The following EPB41 variants were observed in gnomAD, a reference collection of about 807,000 sequenced individuals.
EPB41 encodes protein 4.1.
In EPB41, 65 loss-of-function variants were observed where a neutral mutation model predicts 108.0. The observed-to-expected ratio is 0.60, with a 90% confidence interval of 0.49 to 0.74. The LOEUF is 0.74. EPB41 is among the 30% of genes least tolerant of loss of function. The pLI, the probability that EPB41 is intolerant of heterozygous loss-of-function variation, is 0.00. For synonymous variants in EPB41, 336 were observed against 358.9 expected, an observed-to-expected ratio of 0.94 and a Z score of 0.72; for missense variants, 875 against 1,037.0, an observed-to-expected ratio of 0.84 and a Z score of 2.15.
At chr1:29,057,242 G>A (rs759026274) in intron 12 of EPB41, among the ~76,000 whole-genome samples, 4 of 151,848 alleles carry the variant, frequency 2.6e-5, no homozygotes, top group Non-Finnish European at 5.9e-5. Context: ...CAGGCATGGT[G>A]GCGGGTGCCT....
rs945006039 is a variant in EPB41, at chr1:29,069,088, T to C, written c.2184+3930T>C. The C allele has an allele frequency of 1.5e-5, 16 of 1,071,698 alleles. No homozygotes were observed. In the African/African-American group the frequency reaches 2.5e-4, roughly 16 times the overall value. 66.4% of individuals were successfully genotyped at this position (1,071,698 alleles called of 1,614,324 possible). A position where few individuals can be genotyped will look rare whatever the true frequency, so the allele number is the denominator to read the frequency against. ...CCTATTCTTTTTATGTTGTCTTTCTTCTCCCACTTTATTTTCTTTCAAAAA... is the reference window on the plus strand; with the variant it reads ...CCTATTCTTTTTATGTTGTCTTTCTCCTCCCACTTTATTTTCTTTCAAAAA... On this transcript the variant is annotated intron_variant, in intron 16 of 20. Transcript: ENST00000343067.
intron 1 of EPB41, among the ~76,000 whole-genome samples, chr1:28,953,772 A>AATT (rs2094837375): frequency 6.6e-6 from 1 of 152,264 alleles, no homozygotes; most frequent in Non-Finnish European, 1.5e-5. Context: ...CGTAGTTAAT[A>AATT]AAGAATGGAT....
rs544262456 is a variant in EPB41, at chr1:28,979,915, G to A, written c.-7-7516G>A. Among the ~76,000 whole-genome samples, 4 of 152,296 alleles carry A rather than the reference G, an allele frequency of 2.6e-5. No homozygotes were observed. The South Asian group carries it at 6.2e-4, about 24-fold the overall frequency. Reference sequence around the variant, plus strand: ...ACCATAATGACAGATTTGGAATGAGGTGCAATCAAGGCTTCTAAAAGTGAA... The same window carrying A: ...ACCATAATGACAGATTTGGAATGAGATGCAATCAAGGCTTCTAAAAGTGAA... On this transcript the variant is annotated intron_variant, in intron 1 of 20. Transcript: ENST00000343067.
chr1:29,099,436 C>T (rs540972098), intron 17 of EPB41, among the ~76,000 whole-genome samples: 17 of 152,170 alleles, frequency 1.1e-4, no homozygotes, highest in Middle Eastern at 3.4e-3. Flanking sequence ...AGCAGTTCTC[C>T]CACCTTTGCC....
chr1:29,093,162 C>T (rs977802215), intron 16 of EPB41, among the ~76,000 whole-genome samples: 2 of 152,218 alleles, frequency 1.3e-5, no homozygotes, highest in Admixed American at 1.3e-4. Context: ...AATTTACATT[C>T]CCACCAACAG....
At chr1:29,009,633 A>T (rs1330348058) in intron 4 of EPB41, among the ~76,000 whole-genome samples, 1 of 152,202 alleles carries the variant, frequency 6.6e-6, no homozygotes, top group Non-Finnish European at 1.5e-5. Context: ...CATGAAACTC[A>T]GTTGGTGCTT....
chr1:28,977,877 T>C (rs1441687372), intron 1 of EPB41, among the ~76,000 whole-genome samples: 1 of 152,096 alleles, frequency 6.6e-6, no homozygotes, highest in African/African-American at 2.4e-5. Context: ...TTTTGCTATT[T>C]ATTTATTTGT....
chr1:28,893,229 CA>C (rs1162822080), intron 1 of EPB41: 1 of 152,090 alleles, frequency 6.6e-6, no homozygotes, highest in Non-Finnish European at 1.5e-5. Flanking sequence ...CTCCACCACA[CA>C]CACCTAATTT....
chr1:29,052,756 C>CT (rs1644734734), intron 11 of EPB41, among the ~76,000 whole-genome samples: 2 of 152,054 alleles, frequency 1.3e-5, no homozygotes, highest in South Asian at 4.1e-4. Flanking sequence ...TTAGTTAACC[C>CT]TTTTTTTCCT....
chr1:29,066,608 T>C (rs1648009497), intron 16 of EPB41, among the ~76,000 whole-genome samples: 1 of 152,236 alleles, frequency 6.6e-6, no homozygotes, highest in Non-Finnish European at 1.5e-5. Context: ...GTGCTTGTTT[T>C]TCCCCCAAAA....
chr1:29,035,231 C>T (rs1045255936), intron 9 of EPB41, among the ~76,000 whole-genome samples: 4 of 152,014 alleles, frequency 2.6e-5, no homozygotes, highest in African/African-American at 4.8e-5. Context: ...GATCTGCCCA[C>T]CTCGGCCTCC....
At chr1:29,075,673 C>T (rs1653740555) in intron 16 of EPB41, among the ~76,000 whole-genome samples, 1 of 152,130 alleles carries the variant, frequency 6.6e-6, no homozygotes, top group African/African-American at 2.4e-5. Flanking sequence ...ACTACCTCTT[C>T]AAAGAAAAGT....
chr1:29,049,229 A>G (rs2150662429), intron 11 of EPB41, among the ~76,000 whole-genome samples: 1 of 152,254 alleles, frequency 6.6e-6, no homozygotes, highest in South Asian at 2.1e-4. Context: ...CAAAGATTAT[A>G]TTTTTCTTGC....
chr1:29,021,777 T>A (rs1322890252), intron 7 of EPB41, among the ~76,000 whole-genome samples: 1 of 152,104 alleles, frequency 6.6e-6, no homozygotes, highest in Non-Finnish European at 1.5e-5. Context: ...AGAGACAAGG[T>A]TTCACCGTGT....
chr1:29,109,464 T>A (rs373948981), intron 18 of EPB41, 27 bp downstream of exon 18: 174 of 1,597,404 alleles, frequency 1.1e-4, no homozygotes, highest in Non-Finnish European at 1.4e-4. Context: ...AACCTCTTTA[T>A]GGAACCCAGG....
At chr1:29,044,857 A>G (rs1023780157) in intron 11 of EPB41, among the ~76,000 whole-genome samples, 1 of 152,128 alleles carries the variant, frequency 6.6e-6, no homozygotes, top group Admixed American at 6.6e-5. Flanking sequence ...CTCAAAAATA[A>G]CAATAAAATA....
At chr1:29,007,183 C>T (rs1363647923) in intron 4 of EPB41, among the ~76,000 whole-genome samples, 2 of 152,036 alleles carry the variant, frequency 1.3e-5, no homozygotes, top group African/African-American at 4.8e-5. Context: ...CCTCCACCTC[C>T]CTGGCTCAAG....
intron 1 of EPB41, among the ~76,000 whole-genome samples, chr1:28,901,748 G>T (rs1570169191): frequency 6.6e-6 from 1 of 152,116 alleles, no homozygotes; most frequent in East Asian, 1.9e-4. Flanking sequence ...TGACCAGGCT[G>T]GTCTCGAACT....
chr1:28,890,810 T>G, intron 1 of EPB41: 3 of 652,486 alleles, frequency 4.6e-6, no homozygotes, highest in Non-Finnish European at 5.7e-6. Context: ...AGCTGGGATT[T>G]GAACTTAGGT....
Sources: allele counts gnomAD v4.1 joint callset (sites outside exome capture counted in the v4.1 genomes callset), GRCh38; gene constraint gnomAD v4.1.1; transcripts MANE v1.5; gene names NCBI Gene and HGNC (gene_info 2026-07-23, HGNC 2026-07-21).